Variants in SUCLG2 observed in about 807,000 individuals in gnomAD.
SUCLG2 encodes succinate-CoA ligase GDP-forming subunit beta, also known as succinate--CoA ligase [GDP-forming] subunit beta, mitochondrial.
Under a neutral mutation model 47.9 loss-of-function variants are expected in SUCLG2, and 42 were observed. That is an observed-to-expected ratio of 0.88 (90% CI 0.69 to 1.14). The LOEUF is 1.14. SUCLG2 is among the 50% of genes most tolerant of loss of function. The probability of loss-of-function intolerance (pLI) is 0.00; values close to 1 mark genes in which losing one functional copy is unlikely to be tolerated. For synonymous variants in SUCLG2, 195 were observed against 197.3 expected (o/e 0.99, Z 0.10); for missense variants, 571 against 525.9 (o/e 1.09, Z -0.84).
At chr3:67,637,213 A>T (rs9868744) in intron 1 of SUCLG2, among the ~76,000 whole-genome samples, 14,614 of 152,160 alleles carry the variant, frequency 0.096, 2,356 homozygotes, top group African/African-American at 0.33. Flanking sequence ...ATTTAAGTGA[A>T]ATTAAAAAGG....
At chr3:67,427,805 C>T (rs1703346551) in intron 9 of SUCLG2, among the ~76,000 whole-genome samples, 1 of 152,198 alleles carries the variant, frequency 6.6e-6, no homozygotes, top group Non-Finnish European at 1.5e-5. Flanking sequence ...AATGGCACAC[C>T]AGGAGATTAT....
chr3:67,564,974 ACTG>A (rs1351928979), intron 2 of SUCLG2, among the ~76,000 whole-genome samples: 4 of 150,108 alleles, frequency 2.7e-5, no homozygotes, highest in Middle Eastern at 3.2e-3. Flanking sequence ...TATTCTTCCC[ACTG>A]CTTTTTTTTT....
At chr3:67,609,625 A>C (rs2290175) in intron 1 of SUCLG2, 29 bp from the exon 2 acceptor site, 2 of 1,605,362 alleles carry the variant, frequency 1.2e-6, no homozygotes, top group Non-Finnish European at 1.7e-6. Flanking sequence ...AGAGGTAAGA[A>C]CATTCATTAA....
chr3:67,401,812 A>G (rs1702689321), intron 9 of SUCLG2, among the ~76,000 whole-genome samples: 1 of 152,206 alleles, frequency 6.6e-6, no homozygotes, highest in Non-Finnish European at 1.5e-5. Flanking sequence ...GCTGCATAGA[A>G]TCCTATTATT....
intron 2 of SUCLG2, among the ~76,000 whole-genome samples, chr3:67,542,124 T>G (rs575184674): frequency 6.6e-6 from 1 of 152,236 alleles, no homozygotes; most frequent in East Asian, 1.9e-4. Flanking sequence ...TCCACCCACC[T>G]CAGCCTCCCA....
chr3:67,368,472 A>T (rs1701904784), intron 10 of SUCLG2, among the ~76,000 whole-genome samples: 1 of 151,602 alleles, frequency 6.6e-6, no homozygotes, highest in African/African-American at 2.4e-5. Flanking sequence ...CTTATGTTGG[A>T]TTGTCCTTGT....
Position 67,363,669 on chromosome 3 carries a change from A to G in SUCLG2, c.1184-2901T>C, listed in dbSNP as rs566382145. On this transcript the variant is annotated intron_variant, in intron 10 of 10. Coordinates refer to the SUCLG2 transcript ENST00000493112. Reference sequence around the variant, plus strand: ...AGAGATTTTTATTTCATCTTTTACAATTTTACAATCTTCACATTTTAAACA... The same window carrying G: ...AGAGATTTTTATTTCATCTTTTACAGTTTTACAATCTTCACATTTTAAACA... Among the ~76,000 whole-genome samples the G allele has an allele frequency of 7.2e-5, 11 of 152,286 alleles. 1 individual carries two copies. In the South Asian group the frequency reaches 2.1e-3, roughly 29 times the overall value.
At chr3:67,407,535 A>T (rs913989352) in intron 9 of SUCLG2, among the ~76,000 whole-genome samples, 3 of 152,194 alleles carry the variant, frequency 2.0e-5, no homozygotes, top group Non-Finnish European at 4.4e-5. Context: ...GTTGGAAGTG[A>T]AAAAATAGAA....
At chr3:67,628,840 T>G (rs1700879468) in intron 1 of SUCLG2, among the ~76,000 whole-genome samples, 1 of 152,186 alleles carries the variant, frequency 6.6e-6, no homozygotes, top group African/African-American at 2.4e-5. Flanking sequence ...ATCTCTTTAT[T>G]TGCAGTGTGA....
At chr3:67,519,120 C>T (rs1050155262) in intron 5 of SUCLG2, among the ~76,000 whole-genome samples, 8 of 152,058 alleles carry the variant, frequency 5.3e-5, no homozygotes, top group African/African-American at 1.9e-4. Flanking sequence ...CTACACATTC[C>T]CCTCTTGTCT....
intron 9 of SUCLG2, among the ~76,000 whole-genome samples, chr3:67,487,332 G>C (rs1359521887): frequency 2.0e-5 from 3 of 152,034 alleles, no homozygotes; most frequent in Non-Finnish European, 4.4e-5. Flanking sequence ...ACATGCATGA[G>C]GTGATCTCAA....
At chr3:67,540,957 G>A (rs1362482298) in intron 2 of SUCLG2, among the ~76,000 whole-genome samples, 1 of 152,228 alleles carries the variant, frequency 6.6e-6, no homozygotes, top group African/African-American at 2.4e-5. Context: ...GACTGTAGCA[G>A]AGGGGACTGA....
intron 2 of SUCLG2, among the ~76,000 whole-genome samples, chr3:67,608,623 T>C (rs1298574059): frequency 6.6e-6 from 1 of 151,982 alleles, no homozygotes; most frequent in African/African-American, 2.4e-5. Context: ...TTTCTGAGGA[T>C]ACACCCTCCC....
chr3:67,617,753 C>G (rs971038073), intron 1 of SUCLG2, among the ~76,000 whole-genome samples: 3 of 152,150 alleles, frequency 2.0e-5, no homozygotes, highest in Non-Finnish European at 2.9e-5. Flanking sequence ...AGGATACTAA[C>G]AGGCCCATCT....
At chr3:67,566,053 G>A (rs1207093385) in intron 2 of SUCLG2, among the ~76,000 whole-genome samples, 4 of 152,174 alleles carry the variant, frequency 2.6e-5, no homozygotes, top group Non-Finnish European at 5.9e-5. Flanking sequence ...GGAGAGTATA[G>A]CGGTGGAAGG....
chr3:67,523,535 T>C (rs1706175999), intron 4 of SUCLG2, among the ~76,000 whole-genome samples: 1 of 152,132 alleles, frequency 6.6e-6, no homozygotes, highest in Non-Finnish European at 1.5e-5. Context: ...TAGGACAATA[T>C]TTGAAGCAAA....
Position 67,381,440 on chromosome 3 carries a change from T to C in SUCLG2, c.1184-5581A>G, listed in dbSNP as rs114474269. Among the ~76,000 whole-genome samples, 1,093 of 152,324 alleles carry C rather than the reference T, an allele frequency of 7.2e-3. 8 individuals are homozygous for C. The highest frequency in any genetic ancestry group is 0.024 in the Middle Eastern group (7 of 294). ...CTTTACTTCTAAATAGAAATTATCA[T>C]AGCTGCTTTAAACTCTGACATGGAA... is the stretch of plus-strand genomic sequence containing the variant. On this transcript the variant is annotated intron_variant, in intron 10 of 10. Transcript: ENST00000307227.
intron 6 of SUCLG2, among the ~76,000 whole-genome samples, chr3:67,516,635 G>T (rs991482654): frequency 2.6e-5 from 4 of 152,100 alleles, no homozygotes; most frequent in Non-Finnish European, 5.9e-5. Flanking sequence ...ATGTTTCTTG[G>T]GCAATAAAAA....
chr3:67,487,924 T>A (rs1705100158), intron 9 of SUCLG2, among the ~76,000 whole-genome samples: 1 of 151,936 alleles, frequency 6.6e-6, no homozygotes, highest in South Asian at 2.1e-4. Flanking sequence ...ACCCTGAATA[T>A]CAAATAACAG....
Sources: gnomAD v4.1 joint callset for allele counts (sites outside exome capture counted in the v4.1 genomes callset) on GRCh38, gnomAD v4.1.1 for gene constraint, MANE v1.5 for transcripts, NCBI Gene and HGNC (gene_info 2026-07-23, HGNC 2026-07-21) for gene names.